RTN4RL1: variants seen among roughly 807,000 people sequenced by gnomAD.
RTN4RL1 encodes the protein reticulon 4 receptor like 1.
In RTN4RL1, 7 loss-of-function variants were observed where a neutral mutation model predicts 25.6. That is an observed-to-expected ratio of 0.27 (90% CI 0.16 to 0.51). The LOEUF (loss-of-function observed/expected upper bound fraction) is 0.51, where lower values mean the gene tolerates loss of function less well. Among genes scored for constraint, RTN4RL1 ranks in the 20% least tolerant of loss-of-function variants. The probability of loss-of-function intolerance (pLI) is 0.97; values close to 1 mark genes in which losing one functional copy is unlikely to be tolerated. For missense variants in RTN4RL1, 500 were observed against 615.6 expected (o/e 0.81, Z 1.99); for synonymous variants, 297 against 288.2 (o/e 1.03, Z -0.31).
At chr17:2,017,707 GCA>G (rs373622264) in intron 1 of RTN4RL1, 4,172 of 143,646 alleles carry the variant, frequency 0.029, 86 homozygotes, top group South Asian at 0.073. Context: ...ACACACACAC[GCA>G]CACACACTAT....
chr17:1,956,281 A>T (rs558019613), intron 1 of RTN4RL1, among the ~76,000 whole-genome samples: 2 of 152,318 alleles, frequency 1.3e-5, no homozygotes, highest in South Asian at 4.1e-4. Flanking sequence ...ATACAATCGC[A>T]GCTCCTAACG....
chr17:2,024,008 C>T (rs1435547221), intron 1 of RTN4RL1, among the ~76,000 whole-genome samples: 1 of 152,086 alleles, frequency 6.6e-6, no homozygotes, highest in Admixed American at 6.5e-5. Flanking sequence ...CAGCTGGTGG[C>T]GGGGCCCGTG....
intron 1 of RTN4RL1, 42 bp downstream of exon 1, chr17:2,024,811 G>C: frequency 6.4e-7 from 1 of 1,552,458 alleles, no homozygotes; most frequent in East Asian, 2.4e-5. Flanking sequence ...GCTCTTTCCG[G>C]AGCGCATTCA....
chr17:2,021,631 T>C (rs1168963846), intron 1 of RTN4RL1, among the ~76,000 whole-genome samples: 1 of 143,984 alleles, frequency 6.9e-6, no homozygotes, highest in Non-Finnish European at 1.5e-5. Flanking sequence ...CTTGGCTCAC[T>C]GTAACCTCCG....
intron 1 of RTN4RL1, among the ~76,000 whole-genome samples, chr17:1,949,473 C>G (rs1425727851): frequency 6.6e-6 from 1 of 152,208 alleles, no homozygotes; most frequent in Non-Finnish European, 1.5e-5. Context: ...GAGCTGGGAG[C>G]CTGCCTTTGA....
At chr17:1,941,604 G>A (rs1179669245) in intron 1 of RTN4RL1, among the ~76,000 whole-genome samples, 2 of 152,144 alleles carry the variant, frequency 1.3e-5, no homozygotes, top group African/African-American at 4.8e-5. Flanking sequence ...GGGGCCAGGC[G>A]GTGGGGGGGG....
At position 1,998,918 on chromosome 17, in the gene RTN4RL1, G is replaced by C. The variant is rs1359542875; in HGVS notation, c.13+25935C>G. On this transcript the variant is annotated intron_variant, in intron 1 of 1. Transcript: ENST00000331238. This position sits in a 1 kb window ranked among gnomAD's most constrained non-coding sequence, Gnocchi z 4.9. ...CATCCCACGCGCAGAACAGACACAG[G>C]CCCTGCCCTCACCGAGGGTTCCAGT... Among the ~76,000 whole-genome samples, 2 of 151,840 alleles carry C rather than the reference G, an allele frequency of 1.3e-5. No homozygotes were observed. The highest frequency in any genetic ancestry group is 4.9e-5 in the African/African-American group (2 of 41,172).
chr17:1,954,181 A>T (rs915519255), intron 1 of RTN4RL1, among the ~76,000 whole-genome samples: 2 of 152,168 alleles, frequency 1.3e-5, no homozygotes, highest in African/African-American at 4.8e-5. Flanking sequence ...TGTGTCCAGA[A>T]GTGTCCCAAC....
intron 1 of RTN4RL1, among the ~76,000 whole-genome samples, chr17:1,958,243 A>G (rs1567509282): frequency 6.6e-6 from 1 of 152,180 alleles, no homozygotes; most frequent in East Asian, 1.9e-4. Flanking sequence ...AAAATGGTGG[A>G]GTCAAGATTC....
intron 1 of RTN4RL1, among the ~76,000 whole-genome samples, chr17:1,948,542 C>CAGGCAGAA (rs1316179069): frequency 6.6e-6 from 1 of 151,414 alleles, no homozygotes; most frequent in African/African-American, 2.4e-5. Flanking sequence ...CACTGCCGGA[C>CAGGCAGAA]AGGCAGACAG....
intron 1 of RTN4RL1, among the ~76,000 whole-genome samples, chr17:2,006,032 C>T (rs181813639): frequency 6.2e-4 from 94 of 152,136 alleles, no homozygotes; most frequent in African/African-American, 2.2e-3. Flanking sequence ...CTCTTGACCT[C>T]ATGATCCACC....
chr17:2,020,299 G>C (rs2067184134), intron 1 of RTN4RL1: 1 of 152,114 alleles, frequency 6.6e-6, no homozygotes, highest in South Asian at 2.1e-4. Context: ...GGCCGTGCAG[G>C]GAACGCTCTT....
intron 1 of RTN4RL1, among the ~76,000 whole-genome samples, chr17:1,944,747 G>A (rs957275411): frequency 3.9e-5 from 6 of 152,046 alleles, no homozygotes; most frequent in South Asian, 4.2e-4. Flanking sequence ...ATGAGCCACC[G>A]TGCCCGGCCA....
At chr17:1,941,992 C>T (rs1450804937) in intron 1 of RTN4RL1, among the ~76,000 whole-genome samples, 1 of 152,162 alleles carries the variant, frequency 6.6e-6, no homozygotes, top group Non-Finnish European at 1.5e-5. Context: ...CGAGCCTTGG[C>T]GGTGCATTTT....
chr17:2,015,775 G>A (rs2067113526), intron 1 of RTN4RL1, among the ~76,000 whole-genome samples: 2 of 135,788 alleles, frequency 1.5e-5, no homozygotes, highest in South Asian at 2.6e-4. Context: ...AGAGAGAGCC[G>A]AGCGGCCGCA....
At chr17:2,012,826 C>T (rs2067066917) in intron 1 of RTN4RL1, among the ~76,000 whole-genome samples, 1 of 151,138 alleles carries the variant, frequency 6.6e-6, no homozygotes, top group African/African-American at 2.4e-5. Context: ...TGGAGTCTCG[C>T]TCTGTCACCC....
intron 1 of RTN4RL1, among the ~76,000 whole-genome samples, chr17:1,971,521 A>C (rs1052534755): frequency 1.3e-5 from 2 of 152,164 alleles, no homozygotes; most frequent in Non-Finnish European, 2.9e-5. Context: ...TCTGAGCAGG[A>C]AGGTCTAACT....
chr17:2,014,718 G>C (rs1229544139), intron 1 of RTN4RL1, among the ~76,000 whole-genome samples: 10 of 152,096 alleles, frequency 6.6e-5, no homozygotes, highest in African/African-American at 2.4e-4. Context: ...TGTAATCCCA[G>C]CTACTCGGGA....
chr17:1,935,711 GTATATATATATATATATATATA>G lies in RTN4RL1; in HGVS notation c.*763_*784del, dbSNP rs58785478. 1.3e-3 allele frequency: 208 copies of G among 159,884 alleles called. 19 individuals carry two copies. Among genetic ancestry groups the G allele is most frequent in the Middle Eastern group, 0.012 (3 of 244 alleles). The allele number at this position is 159,884 out of a possible 1,614,324, so 9.9% of individuals were successfully genotyped here. A position where few individuals can be genotyped will look rare whatever the true frequency, so the allele number is the denominator to read the frequency against. ...AGTGGGAGGGGGACTGTGCATTTGT[GTATATATATATATATATATATA>G]TATATATATATATATATATATGTAG... On this transcript the variant is annotated 3_prime_UTR_variant, in exon 2 of 2. Transcript: ENST00000331238.
Sources: allele counts gnomAD v4.1 joint callset (sites outside exome capture counted in the v4.1 genomes callset), GRCh38; gene constraint gnomAD v4.1.1; non-coding constraint Gnocchi (gnomAD v3.1); transcripts MANE v1.5; gene names NCBI Gene and HGNC (gene_info 2026-07-23, HGNC 2026-07-21).